The following HELZ2 variants were observed in gnomAD, a reference collection of about 807,000 sequenced individuals.
HELZ2 encodes the protein helicase with zinc finger 2, also known as 3'-5' exoribonuclease HELZ2.
A neutral mutation model predicts 208.8 loss-of-function variants in HELZ2; 143 were observed. The ratio of observed to expected loss-of-function variants is 0.68; its 90% confidence interval spans 0.60 to 0.79. The LOEUF (loss-of-function observed/expected upper bound fraction) is 0.79, where lower values mean the gene tolerates loss of function less well. Ranked by LOEUF, HELZ2 falls within the 30% of genes least tolerant of loss-of-function variation. The pLI, the probability that HELZ2 is intolerant of heterozygous loss-of-function variation, is 0.00. For synonymous variants in HELZ2, 1,705 were observed against 1,693.7 expected (o/e 1.01, Z -0.16); for missense variants, 3,690 against 3,794.5 (o/e 0.97, Z 0.72).
chr20:63,560,454 T>C, intron 16 of HELZ2, 25 bp downstream of exon 17: 1 of 1,603,698 alleles, frequency 6.2e-7, no homozygotes, highest in Non-Finnish European at 8.5e-7. Flanking sequence ...AAGCCCTCCC[T>C]GACTCACAGG....
downstream of HELZ2, chr20:63,558,882 C>G (rs77418310): frequency 0.013 from 2,473 of 185,064 alleles, 69 homozygotes; most frequent in African/African-American, 0.054. Flanking sequence ...AACCTGAACT[C>G]CACAGACACC....
rs781050293 is a variant in HELZ2 at position 63,564,067 on chromosome 20, G to A, written c.4755C>T (p.His1585=). The A allele has an allele frequency of 8.7e-6, 14 of 1,606,404 alleles. 1 individual carries two copies. In the South Asian group the frequency reaches 8.8e-5, roughly 10 times the overall value. ...TGTCGGGGGGACTGCCCCCGCCGCC[G>A]TGCAGGTGGTGGCCGAGGTGCAGTG... The change falls in exon 8 of 19, where the codon CAC becomes CAT. Residue 1585 remains histidine (H), a synonymous_variant. Transcript: ENST00000467148.
chr20:63,572,575 G>A, upstream of HELZ2: 1 of 607,068 alleles, frequency 1.6e-6, no homozygotes, highest in Non-Finnish European at 2.8e-6. Flanking sequence ...CGTGCTCAGG[G>A]CACTGCCCCT....
exon 3 of HELZ2, chr20:63,570,522 C>G: frequency 6.2e-7 from 1 of 1,613,248 alleles, no homozygotes; most frequent in South Asian, 1.1e-5. Context: ...GGACGGCAAA[C>G]GTCCAGCTGT....
At chr20:63,561,113 A>T in exon 14 of HELZ2, 1 of 1,612,586 alleles carries the variant, frequency 6.2e-7, no homozygotes, top group Non-Finnish European at 8.5e-7. Flanking sequence ...CACCAGGGGG[A>T]TGAGGGTTTC....
chr20:63,562,734 C>A (rs372403924), exon 8 of HELZ2: 4 of 1,602,562 alleles, frequency 2.5e-6, no homozygotes, highest in Non-Finnish European at 3.4e-6. Flanking sequence ...AGGCCAGGGC[C>A]GAGGCTGCTG....
Position 63,563,118 on chromosome 20 carries a change from G to A in HELZ2, c.5704C>T (p.Leu1902Phe), listed in dbSNP as rs1181275245. 7 of 1,596,054 alleles carry A rather than the reference G, an allele frequency of 4.4e-6. No individual in the cohort carries two copies. The South Asian group carries it at 4.5e-5, about 10-fold the overall frequency. The change falls in exon 8 of 19, where the codon CTC becomes TTC. Residue 1902 changes from leucine (L) to phenylalanine (F), a missense_variant. Around this residue, in one of 3 missense-constraint regions of HELZ2, gnomAD observed 2,564 missense variants for 2,580.5 expected, o/e 0.99. Coordinates refer to ENST00000467148, the Ensembl canonical transcript of HELZ2. ...CTGAAGCCCGGTGCCACCGTCCAGAGCTGAGGGCTCGGTACCAGGAAGCCG... is the reference window on the plus strand; with the variant it reads ...CTGAAGCCCGGTGCCACCGTCCAGAACTGAGGGCTCGGTACCAGGAAGCCG...
chr20:63,563,153 C>T, exon 8 of HELZ2: 2 of 1,593,312 alleles, frequency 1.3e-6, no homozygotes, highest in African/African-American at 1.3e-5. Flanking sequence ...GTGCTGCAGG[C>T]TGGTGCCGAG....
chr20:63,563,507 G>C (rs763960770), exon 8 of HELZ2: 3 of 1,512,588 alleles, frequency 2.0e-6, no homozygotes, highest in Non-Finnish European at 2.6e-6. Context: ...GGAGCCGTAG[G>C]GGACGGGGCA....
exon 8 of HELZ2, chr20:63,563,871 C>G (rs778672680): frequency 6.3e-7 from 1 of 1,595,958 alleles, no homozygotes; most frequent in Non-Finnish European, 8.5e-7. Context: ...TGGCCCCGGG[C>G]GCAGCGGCCG....
At chr20:63,563,835 G>T in exon 8 of HELZ2, 1 of 1,596,918 alleles carries the variant, frequency 6.3e-7, no homozygotes, top group Non-Finnish European at 8.5e-7. Context: ...TCCACCTGCA[G>T]CGAGTAGTGG....
chr20:63,559,169 C>A (rs1445386474), downstream of HELZ2: 2 of 1,143,610 alleles, frequency 1.7e-6, no homozygotes, highest in Non-Finnish European at 2.2e-6. Flanking sequence ...AGGCTGATGG[C>A]GGAGGGTGGT....
chr20:63,568,846 C>T (rs750074992), exon 5 of HELZ2: 21 of 1,612,320 alleles, frequency 1.3e-5, no homozygotes, highest in South Asian at 1.2e-4. Context: ...CTGTGCTGAC[C>T]GCCCGGCCCA....
Position 63,562,505 on chromosome 20 carries a change from G to A in HELZ2, c.6302+15C>T, listed in dbSNP as rs2146008997. ...CGGTCCCCCAGCCCAGCCTCTGCTG[G>A]TGGAAGCCACTCACAGATCAGGAAG... On this transcript the variant is annotated intron_variant, in intron 8 of 18. Coordinates refer to ENST00000467148, the Ensembl canonical transcript of HELZ2. The A allele has an allele frequency of 6.4e-7, 1 of 1,558,180 alleles. No homozygotes were observed. Among genetic ancestry groups the A allele is most frequent in the South Asian group, 1.2e-5 (1 of 85,944 alleles).
chr20:63,569,184 T>G (rs748443659), exon 4 of HELZ2: 2 of 1,549,330 alleles, frequency 1.3e-6, no homozygotes, highest in African/African-American at 1.4e-5. Flanking sequence ...CTCCTCCTCA[T>G]AGAGAAACTG....
exon 5 of HELZ2, chr20:63,568,824 G>A (rs893415539): frequency 6.2e-7 from 1 of 1,612,230 alleles, no homozygotes; most frequent in Non-Finnish European, 8.5e-7. Context: ...GCAGGTACAG[G>A]GGCCACCAGG....
exon 5 of HELZ2, chr20:63,568,701 C>G: frequency 6.2e-7 from 1 of 1,605,946 alleles, no homozygotes; most frequent in Non-Finnish European, 8.5e-7. Context: ...ACCAGGCGGG[C>G]CTCAGGCTGC....
At chr20:63,562,363 G>C (rs771508655) in exon 9 of HELZ2, 4 of 1,591,110 alleles carry the variant, frequency 2.5e-6, no homozygotes, top group Admixed American at 3.5e-5. Flanking sequence ...TCTAGTCCAC[G>C]CACGGCTTCC....
intron 3 of HELZ2, chr20:63,569,989 G>A (rs910168649): frequency 4.2e-5 from 20 of 480,018 alleles, no homozygotes; most frequent in East Asian, 7.7e-5. Context: ...CACTCTTGTC[G>A]CCAGGCTGGA....
Sources: gnomAD v4.1 joint callset for allele counts on GRCh38, gnomAD v4.1.1 for gene constraint, gnomAD v4.1.1 regional missense constraint, MANE v1.5 for transcripts, NCBI Gene and HGNC (gene_info 2026-07-23, HGNC 2026-07-21) for gene names.